KCNH7: variants seen among roughly 807,000 people sequenced by gnomAD.
KCNH7 encodes potassium voltage-gated channel subfamily H member 7.
KCNH7 carries 49 observed loss-of-function variants against 120.8 expected under a neutral mutation model. The ratio of observed to expected loss-of-function variants is 0.41; its 90% confidence interval spans 0.32 to 0.51. The LOEUF (loss-of-function observed/expected upper bound fraction) is 0.51, where lower values mean the gene tolerates loss of function less well. Among genes scored for constraint, KCNH7 ranks in the 20% least tolerant of loss-of-function variants. The pLI, the probability that KCNH7 is intolerant of heterozygous loss-of-function variation, is 0.38. For synonymous variants in KCNH7, 547 were observed against 516.1 expected, an observed-to-expected ratio of 1.06 and a Z score of -0.81; for missense variants, 1,097 against 1,446.6, an observed-to-expected ratio of 0.76 and a Z score of 3.92.
At chr2:162,693,796 T>G (rs1010776421) in intron 2 of KCNH7, among the ~76,000 whole-genome samples, 2 of 152,176 alleles carry the variant, frequency 1.3e-5, no homozygotes, top group African/African-American at 4.8e-5. Context: ...GAAAAATGTG[T>G]CAATGTAAGG....
intron 9 of KCNH7, among the ~76,000 whole-genome samples, chr2:162,418,491 A>T (rs924123918): frequency 6.6e-6 from 1 of 152,144 alleles, no homozygotes; most frequent in Non-Finnish European, 1.5e-5. Context: ...GATGGGGTAT[A>T]TTGTCACAAG....
intron 2 of KCNH7, among the ~76,000 whole-genome samples, chr2:162,823,909 T>TTTTTTTTTGA (rs1323149636): frequency 3.3e-5 from 5 of 152,260 alleles, no homozygotes; most frequent in Admixed American, 6.5e-5. Context: ...ATTTTTTAAT[T>TTTTTTTTTGA]GCCATATAAG....
chr2:162,612,785 AT>A lies in KCNH7; in HGVS notation c.308-75706del, dbSNP rs1441058290. Among the ~76,000 whole-genome samples, 4 of 151,966 alleles carry A rather than the reference AT, an allele frequency of 2.6e-5. No homozygotes were observed. The East Asian group carries it at 5.8e-4, about 22-fold the overall frequency. ...ATAGATTGAAACACAGAAAAGAACA[AT>A]TTTTTTGAAGTAAAAAGCATTTATA... is the stretch of plus-strand genomic sequence containing the variant. On this transcript the variant is annotated intron_variant, in intron 2 of 15. Transcript: ENST00000332142.
chr2:162,660,408 G>A (rs574454528), intron 2 of KCNH7, among the ~76,000 whole-genome samples: 1 of 152,106 alleles, frequency 6.6e-6, no homozygotes, highest in Non-Finnish European at 1.5e-5. Flanking sequence ...TCAAGTACTT[G>A]AGGATCTTTC....
intron 2 of KCNH7, among the ~76,000 whole-genome samples, chr2:162,617,634 G>A (rs186173067): frequency 3.9e-5 from 6 of 152,244 alleles, no homozygotes; most frequent in Non-Finnish European, 4.4e-5. Context: ...TAGGATTCTG[G>A]AGACCATGGT....
intron 2 of KCNH7, among the ~76,000 whole-genome samples, chr2:162,647,560 G>A (rs1438265220): frequency 6.6e-6 from 1 of 152,134 alleles, no homozygotes; most frequent in Admixed American, 6.6e-5. Flanking sequence ...GAATCGCGAA[G>A]GTGGTTTCCC....
intron 2 of KCNH7, among the ~76,000 whole-genome samples, chr2:162,682,963 C>T (rs1011037992): frequency 4.6e-5 from 7 of 151,738 alleles, no homozygotes; most frequent in African/African-American, 1.7e-4. Context: ...ATTTGGCTTG[C>T]TTAATATAGG....
At chr2:162,565,314 G>T (rs1177179699) in intron 2 of KCNH7, among the ~76,000 whole-genome samples, 2 of 151,810 alleles carry the variant, frequency 1.3e-5, no homozygotes, top group East Asian at 3.9e-4. Context: ...TATTTTGCTT[G>T]AGGAAAAAAA....
chr2:162,436,901 G>A (rs940223151), intron 7 of KCNH7, among the ~76,000 whole-genome samples: 1 of 152,032 alleles, frequency 6.6e-6, no homozygotes, highest in Non-Finnish European at 1.5e-5. Context: ...CTTGAGCCCA[G>A]GTATTTGAGA....
At chr2:162,826,430 C>G (rs1327851481) in intron 2 of KCNH7, among the ~76,000 whole-genome samples, 1 of 152,054 alleles carries the variant, frequency 6.6e-6, no homozygotes, top group African/African-American at 2.4e-5. Flanking sequence ...GACCATTCAC[C>G]TTTTCCCTTC....
chr2:162,519,032 T>TA (rs1435794211), intron 3 of KCNH7, among the ~76,000 whole-genome samples: 1 of 151,778 alleles, frequency 6.6e-6, no homozygotes, highest in East Asian at 2.0e-4. Context: ...CAAGAGGATA[T>TA]AATTTTTCTA....
chr2:162,735,781 G>A (rs573645994), intron 2 of KCNH7, among the ~76,000 whole-genome samples: 9 of 152,126 alleles, frequency 5.9e-5, no homozygotes, highest in Non-Finnish European at 1.2e-4. Flanking sequence ...GTGGCCATGC[G>A]ATTATTAAAC....
intron 2 of KCNH7, among the ~76,000 whole-genome samples, chr2:162,835,667 T>C (rs1685637777): frequency 6.6e-6 from 1 of 151,986 alleles, no homozygotes; most frequent in African/African-American, 2.4e-5. Context: ...TATATATCTA[T>C]ATATACACCT....
chr2:162,819,561 A>C (rs928879094), intron 2 of KCNH7, among the ~76,000 whole-genome samples: 1 of 152,224 alleles, frequency 6.6e-6, no homozygotes, highest in African/African-American at 2.4e-5. Flanking sequence ...AAATGATACT[A>C]GTAAATTTAG....
intron 2 of KCNH7, among the ~76,000 whole-genome samples, chr2:162,681,860 C>T (rs1416680569): frequency 6.7e-6 from 1 of 149,620 alleles, no homozygotes; most frequent in Admixed American, 6.7e-5. Context: ...ACTTAACTTT[C>T]CTATATGCAT....
chr2:162,749,889 T>C (rs1688480222), intron 2 of KCNH7, among the ~76,000 whole-genome samples: 1 of 152,134 alleles, frequency 6.6e-6, no homozygotes, highest in South Asian at 2.1e-4. Flanking sequence ...GGGTAAAGCA[T>C]GAAGGTAAAA....
chr2:162,416,608 C>G (rs1038577891), intron 9 of KCNH7, among the ~76,000 whole-genome samples: 11 of 152,032 alleles, frequency 7.2e-5, no homozygotes, highest in Admixed American at 5.2e-4. Context: ...GTTTTCCTAA[C>G]CACAGACATG....
Position 162,423,426 on chromosome 2 carries a change from G to A in KCNH7, c.2064C>T (p.Arg688=), listed in dbSNP as rs1687765851. The change falls in exon 9 of 16, where the codon CGC becomes CGT. Residue 688 remains arginine (R), a synonymous_variant. Transcript: ENST00000332142. ...MQMLRVKEFI[R]FHQIPNPLRQ... Reference sequence around the variant, plus strand: ...TCAGAGGGTTGGGGATTTGGTGAAAGCGAATGAACTCTTTTACTCGCAGCA... The same window carrying A: ...TCAGAGGGTTGGGGATTTGGTGAAAACGAATGAACTCTTTTACTCGCAGCA... The A allele has an allele frequency of 9.9e-6, 16 of 1,614,146 alleles. No individual in the cohort carries two copies. The highest frequency in any genetic ancestry group is 8.9e-5 in the East Asian group (4 of 44,878).
At chr2:162,834,975 C>T (rs997604818) in intron 2 of KCNH7, among the ~76,000 whole-genome samples, 3 of 151,948 alleles carry the variant, frequency 2.0e-5, no homozygotes, top group Non-Finnish European at 2.9e-5. Flanking sequence ...AATAAATATT[C>T]AATAGGAAAA....
Sources: allele counts gnomAD v4.1 joint callset (sites outside exome capture counted in the v4.1 genomes callset), GRCh38; gene constraint gnomAD v4.1.1; transcripts MANE v1.5; gene names NCBI Gene and HGNC (gene_info 2026-07-23, HGNC 2026-07-21).